The following NPAS3 variants were observed in gnomAD, a reference collection of about 807,000 sequenced individuals.
The protein encoded by NPAS3 is neuronal PAS domain protein 3, also known as neuronal PAS domain-containing protein 3.
In NPAS3, 14 loss-of-function variants were observed where a neutral mutation model predicts 73.1. That is an observed-to-expected ratio of 0.19 (90% confidence interval 0.13 to 0.30). The LOEUF (loss-of-function observed/expected upper bound fraction) is 0.30. Ranked by LOEUF, NPAS3 falls within the 10% of genes least tolerant of loss-of-function variation. NPAS3 has a pLI of 1.00. For missense variants in NPAS3, 1,096 were observed against 1,250.0 expected (o/e 0.88, Z 1.86); for synonymous variants, 620 against 541.5 (o/e 1.14, Z -2.01).
At chr14:33,542,356 GA>G (rs1170411955) in intron 4 of NPAS3, among the ~76,000 whole-genome samples, 4 of 152,066 alleles carry the variant, frequency 2.6e-5, no homozygotes, top group Non-Finnish European at 5.9e-5. Context: ...TCACTTCCTT[GA>G]ATCCTTTCCC....
intron 4 of NPAS3, among the ~76,000 whole-genome samples, chr14:33,406,162 CAT>C (rs2047658083): frequency 6.6e-6 from 1 of 152,094 alleles, no homozygotes; most frequent in South Asian, 2.1e-4. Context: ...CTCCTTGGAA[CAT>C]AACAACTATA....
At chr14:33,758,514 A>C (rs2062185292) in intron 7 of NPAS3, among the ~76,000 whole-genome samples, 1 of 152,184 alleles carries the variant, frequency 6.6e-6, no homozygotes, top group Admixed American at 6.5e-5. Context: ...TAAGATTTTA[A>C]ATAGGGGAAA....
At chr14:33,672,974 A>T (rs1349740600) in intron 5 of NPAS3, among the ~76,000 whole-genome samples, 5 of 152,262 alleles carry the variant, frequency 3.3e-5, no homozygotes, top group African/African-American at 1.2e-4. Flanking sequence ...AGATGTGATG[A>T]TAATGATGAC....
chr14:33,725,096 C>T (rs2061227720), intron 6 of NPAS3, among the ~76,000 whole-genome samples: 2 of 152,020 alleles, frequency 1.3e-5, no homozygotes, highest in South Asian at 2.1e-4. Flanking sequence ...AGCCAAGGCC[C>T]CTAGAACCCC....
intron 4 of NPAS3, among the ~76,000 whole-genome samples, chr14:33,452,510 T>C (rs1011643021): frequency 6.6e-6 from 1 of 152,224 alleles, no homozygotes; most frequent in East Asian, 1.9e-4. Context: ...TGTTGGCTCA[T>C]GCCTGTAATC....
At chr14:33,227,445 A>C (rs532773708) in intron 3 of NPAS3, among the ~76,000 whole-genome samples, 4 of 152,296 alleles carry the variant, frequency 2.6e-5, no homozygotes, top group African/African-American at 9.6e-5. Context: ...ACAGAATACT[A>C]TAGATGGATT....
intron 3 of NPAS3, among the ~76,000 whole-genome samples, chr14:33,284,820 T>C (rs2041807399): frequency 6.6e-6 from 1 of 150,820 alleles, no homozygotes; most frequent in African/African-American, 2.4e-5. Flanking sequence ...ATCTATATAA[T>C]CTTCTCAACA....
chr14:33,409,013 A>G (rs557856145), intron 4 of NPAS3, among the ~76,000 whole-genome samples: 2 of 152,326 alleles, frequency 1.3e-5, no homozygotes, highest in East Asian at 1.9e-4. Context: ...GGTGTTATGA[A>G]GTATAACACT....
At chr14:33,020,668 C>A (rs556746577) in intron 1 of NPAS3, among the ~76,000 whole-genome samples, 1 of 152,096 alleles carries the variant, frequency 6.6e-6, no homozygotes, top group South Asian at 2.1e-4. Context: ...CTTCCCAGCT[C>A]GCCTGCTTCT....
intron 1 of NPAS3, among the ~76,000 whole-genome samples, chr14:33,051,165 T>A (rs2040690852): frequency 6.6e-6 from 1 of 150,482 alleles, no homozygotes; most frequent in Non-Finnish European, 1.5e-5. Flanking sequence ...TCCCAGCTAC[T>A]CGGGAGGCTG....
intron 4 of NPAS3, among the ~76,000 whole-genome samples, chr14:33,545,371 C>T (rs1332113040): frequency 4.6e-5 from 7 of 152,182 alleles, no homozygotes; most frequent in African/African-American, 1.7e-4. Flanking sequence ...TAATAGTCAT[C>T]ATGGGCACCA....
At chr14:33,232,553 G>A (rs943309341) in intron 3 of NPAS3, among the ~76,000 whole-genome samples, 4 of 152,058 alleles carry the variant, frequency 2.6e-5, no homozygotes, top group Non-Finnish European at 5.9e-5. Flanking sequence ...CTTCTGCGTT[G>A]CTCTCTCTTT....
intron 4 of NPAS3, among the ~76,000 whole-genome samples, chr14:33,515,509 A>C (rs1280109401): frequency 2.0e-5 from 3 of 152,096 alleles, no homozygotes; most frequent in Admixed American, 1.3e-4. Context: ...AGTTTCATTG[A>C]AACTCAGCCA....
chr14:33,159,806 G>A (rs1411751162), intron 2 of NPAS3, among the ~76,000 whole-genome samples: 1 of 152,058 alleles, frequency 6.6e-6, no homozygotes, highest in Admixed American at 6.5e-5. Flanking sequence ...ACCTGCCTCG[G>A]CCTCCCAAAG....
At chr14:33,056,536 G>T (rs1370791506) in intron 2 of NPAS3, among the ~76,000 whole-genome samples, 1 of 152,202 alleles carries the variant, frequency 6.6e-6, no homozygotes, top group Non-Finnish European at 1.5e-5. Context: ...CAGTTAAATT[G>T]AAGTTGAGTC....
chr14:33,538,237 G>A (rs1258455234), intron 4 of NPAS3, among the ~76,000 whole-genome samples: 2 of 152,198 alleles, frequency 1.3e-5, no homozygotes, highest in Middle Eastern at 3.4e-3. Flanking sequence ...GTAGCTCAAA[G>A]GTCCTAAAGG....
At chr14:32,998,198 A>G (rs908504359) in intron 1 of NPAS3, among the ~76,000 whole-genome samples, 2 of 152,256 alleles carry the variant, frequency 1.3e-5, no homozygotes, top group Admixed American at 1.3e-4. Context: ...ATTCAGCAAT[A>G]AAAAGGTATG....
intron 4 of NPAS3, among the ~76,000 whole-genome samples, chr14:33,382,037 A>C (rs941524375): frequency 6.6e-6 from 1 of 152,188 alleles, no homozygotes; most frequent in African/African-American, 2.4e-5. Context: ...AACTGCATTT[A>C]ATAGAATCTC....
In NPAS3 at chr14:33,012,833, A is replaced by G. The variant is rs537781715; in HGVS notation, c.51-43072A>G. Among the ~76,000 whole-genome samples, 7 of 152,320 alleles carry G rather than the reference A, an allele frequency of 4.6e-5. No homozygotes were observed. In the East Asian group the frequency reaches 1.3e-3, roughly 29 times the overall value. ...CCAAAGTGCTAGGATTACAGGCGTG[A>G]GCCACAGCGCCCGGCCCAAAGTCGT... is the stretch of plus-strand genomic sequence containing the variant. On this transcript the variant is annotated intron_variant, in intron 1 of 11. Transcript: ENST00000356141.
Sources: gnomAD v4.1 joint callset for allele counts (sites outside exome capture counted in the v4.1 genomes callset) on GRCh38, gnomAD v4.1.1 for gene constraint, MANE v1.5 for transcripts, NCBI Gene and HGNC (gene_info 2026-07-23, HGNC 2026-07-21) for gene names.